INO80: variants seen among roughly 807,000 people sequenced by gnomAD.
The protein encoded by INO80 is chromatin-remodeling ATPase INO80.
In INO80, 20 loss-of-function variants were observed where a neutral mutation model predicts 203.4. That is an observed-to-expected ratio of 0.10 (90% CI 0.07 to 0.14). INO80 has a LOEUF of 0.14. Among genes scored for constraint, INO80 ranks in the 10% least tolerant of loss-of-function variants. The pLI is 1.00. For synonymous variants in INO80, 726 were observed against 685.2 expected (o/e 1.06, Z -0.93); for missense variants, 1,419 against 1,914.4 (o/e 0.74, Z 4.83).
At chr15:41,057,011 A>G (rs533499234) in intron 16 of INO80, among the ~76,000 whole-genome samples, 4 of 152,362 alleles carry the variant, frequency 2.6e-5, no homozygotes, top group Admixed American at 1.3e-4. Flanking sequence ...TTTTGCTGAC[A>G]TAAGTCATTT....
At chr15:41,035,226 A>G (rs2044549958) in intron 24 of INO80, among the ~76,000 whole-genome samples, 2 of 152,340 alleles carry the variant, frequency 1.3e-5, no homozygotes, top group South Asian at 4.1e-4. Flanking sequence ...TCATAATGAA[A>G]TATCTGATAT....
chr15:41,033,472 AGAGT>A lies in INO80; in HGVS notation c.2908-5740_2908-5737del, dbSNP rs369500919. 6.7e-4 allele frequency among the ~76,000 whole-genome samples: 102 copies of A among 152,068 alleles called. 2 individuals carry two copies. Among genetic ancestry groups the A allele is most frequent in the African/African-American group, 2.4e-3 (99 of 41,466 alleles). ...CCTCAGCCTCCTTGAGTAGAGAGAC[AGAGT>A]GAGACCCTGTCTCAAAACAAACAAA... On this transcript the variant is annotated intron_variant, in intron 24 of 35. Transcript: ENST00000648947.
intron 23 of INO80, among the ~76,000 whole-genome samples, 157 bp downstream of exon 23, chr15:41,047,251 C>A (rs1012784376): frequency 2.0e-5 from 3 of 152,208 alleles, no homozygotes; most frequent in Admixed American, 1.3e-4. Context: ...AGGCATGAGT[C>A]ACCGTGCCCA....
At chr15:41,110,390 G>T (rs1238896221) in intron 1 of INO80, among the ~76,000 whole-genome samples, 1 of 151,814 alleles carries the variant, frequency 6.6e-6, no homozygotes, top group South Asian at 2.1e-4. Context: ...TGATCCACCC[G>T]CCTCAGCCTC....
At chr15:41,110,189 G>A (rs1311894744) in intron 1 of INO80, among the ~76,000 whole-genome samples, 1 of 152,034 alleles carries the variant, frequency 6.6e-6, no homozygotes, top group Admixed American at 6.6e-5. Flanking sequence ...TCTGTCGCCA[G>A]GCTGGAGTGC....
Position 41,058,764 on chromosome 15 carries a change from C to T in INO80, c.1860G>A (p.Gln620=), listed in dbSNP as rs2045047207. The T allele has an allele frequency of 6.2e-7, 1 of 1,613,452 alleles. No individual in the cohort carries two copies. Among genetic ancestry groups the T allele is most frequent in the Non-Finnish European group, 8.5e-7 (1 of 1,179,810 alleles). Residue 620 remains glutamine, a synonymous_variant, in exon 16 of 36, where the codon CAG becomes CAA. Transcript: ENST00000648947. ...TAATAACCACATGGAAGGGGGCATC[C>T]TGAGTGTAGAGGGTCTTCTGTAAAT... ...RFWSQKTLYT[Q]DAPFHVVITS... is the part of the protein sequence containing the mutation.
intron 7 of INO80, among the ~76,000 whole-genome samples, chr15:41,083,169 C>A (rs1222749356): frequency 1.3e-5 from 2 of 150,830 alleles, no homozygotes; most frequent in African/African-American, 4.9e-5. Context: ...CCTGTAGTCC[C>A]AGCTACTCCG....
intron 12 of INO80, 93 bp downstream of exon 12, chr15:41,071,756 C>G (rs1467050455): frequency 1.7e-6 from 2 of 1,190,368 alleles, no homozygotes; most frequent in Non-Finnish European, 2.4e-6. Flanking sequence ...CCACCGCGCT[C>G]AGCCAGATCT....
At chr15:41,068,195 A>C (rs2045253687) in intron 14 of INO80, among the ~76,000 whole-genome samples, 1 of 151,874 alleles carries the variant, frequency 6.6e-6, no homozygotes, top group Non-Finnish European at 1.5e-5. Context: ...GCTGACGCAG[A>C]AGGATGACTA....
intron 15 of INO80, among the ~76,000 whole-genome samples, chr15:41,059,567 A>G (rs767534391): frequency 2.3e-4 from 35 of 150,464 alleles, no homozygotes; most frequent in Non-Finnish European, 3.5e-4. Flanking sequence ...AGGTGGGAGG[A>G]TTGCTTGAGC....
Position 41,016,137 on chromosome 15 carries a change from T to C in INO80, c.3353A>G (p.His1118Arg). The C allele has an allele frequency of 6.2e-7, 1 of 1,613,270 alleles. No homozygotes were observed. The highest frequency in any genetic ancestry group is 8.5e-7 in the Non-Finnish European group (1 of 1,179,246). The change falls in exon 27 of 36, where the codon CAT becomes CGT. Residue 1118 changes from histidine (H) to arginine (R), a missense_variant. By Grantham distance (29) the His-to-Arg change is conservative. This residue lies in a region of INO80 where 302 missense variants were observed against 345.4 expected (regional missense o/e 0.87). Transcript: ENST00000648947. Reference protein sequence around the residue: ...VLLTRLKSQGHRVLIYSQMTR... With the variant: ...VLLTRLKSQGRRVLIYSQMTR... The stretch of plus-strand genomic sequence containing the variant: ...CATCTGGGAGTAGATAAGGACCCTA[T>C]GCCCTTGAGACTTGAGCCGAGTCAG...
chr15:41,107,982 C>T (rs1360828592), intron 1 of INO80, among the ~76,000 whole-genome samples: 1 of 152,002 alleles, frequency 6.6e-6, no homozygotes, highest in Non-Finnish European at 1.5e-5. Context: ...TGCCTGTAAT[C>T]CCAGCTACTA....
intron 31 of INO80, among the ~76,000 whole-genome samples, chr15:40,986,468 G>A (rs764620024): frequency 2.0e-5 from 3 of 151,608 alleles, no homozygotes; most frequent in South Asian, 2.1e-4. Flanking sequence ...GGGATTACAC[G>A]TGCCCACCAC....
intron 2 of INO80, 62 bp from the exon 3 acceptor site, chr15:41,095,990 G>T (rs915615881): frequency 1.3e-5 from 19 of 1,503,778 alleles, no homozygotes; most frequent in Non-Finnish European, 1.6e-5. Flanking sequence ...TTTAAAGTTA[G>T]AACTGGACAC....
rs566258790 is a variant in INO80, at chr15:41,045,216, C to T, written c.2736-141G>A. 69 of 615,742 alleles carry T rather than the reference C, an allele frequency of 1.1e-4. No homozygotes were observed. The African/African-American group carries it at 1.3e-3, about 11-fold the overall frequency. 38.1% of individuals were successfully genotyped at this position (615,742 alleles called of 1,614,324 possible). On this transcript the variant is annotated intron_variant, in intron 23 of 35. Coordinates refer to ENST00000648947, the MANE Select transcript of INO80 (RefSeq NM_017553.3). ...TTAGAAACAGTTCTTTCCTACTTTC[C>T]TACTTTCAGATACATTATTTCGCAT...
rs2045723488 is a variant in INO80 at position 41,096,334 on chromosome 15, A to G, written c.-24T>C. 1.9e-6 allele frequency: 3 copies of G among 1,558,414 alleles called. No individual in the cohort carries two copies. The highest frequency in any genetic ancestry group is 2.6e-6 in the Non-Finnish European group (3 of 1,159,612). On this transcript the variant is annotated 5_prime_UTR_variant, in exon 2 of 36. Coordinates refer to ENST00000648947, the MANE Select transcript of INO80 (RefSeq NM_017553.3). Reference sequence around the variant, plus strand: ...ATAGAACAAATCTGTCTTCATGCACAAGGACCTCCGACTGCACGGCTGCAG... The same window carrying G: ...ATAGAACAAATCTGTCTTCATGCACGAGGACCTCCGACTGCACGGCTGCAG...
intron 11 of INO80, among the ~76,000 whole-genome samples, chr15:41,072,752 T>C (rs1301688958): frequency 6.6e-6 from 1 of 150,888 alleles, no homozygotes; most frequent in Admixed American, 6.6e-5. Flanking sequence ...AACCATGATA[T>C]GGCTCTCTTA....
At chr15:41,098,459 C>T (rs1596326365) in intron 1 of INO80, among the ~76,000 whole-genome samples, 2 of 151,814 alleles carry the variant, frequency 1.3e-5, no homozygotes, top group East Asian at 1.9e-4. Context: ...AGGATCACTT[C>T]AGCCCAGGAA....
chr15:41,044,505 C>T (rs773321147), intron 24 of INO80, among the ~76,000 whole-genome samples: 3 of 152,014 alleles, frequency 2.0e-5, no homozygotes, highest in Non-Finnish European at 4.4e-5. Context: ...TCTACGGTGA[C>T]AGAAGTAGAA....
Sources: gnomAD v4.1 joint callset for allele counts (sites outside exome capture counted in the v4.1 genomes callset) on GRCh38, gnomAD v4.1.1 for gene constraint, gnomAD v4.1.1 regional missense constraint, MANE v1.5 for transcripts, NCBI Gene and HGNC (gene_info 2026-07-23, HGNC 2026-07-21) for gene names.